Variants in PPP5C observed in about 807,000 individuals in gnomAD.
PPP5C encodes serine/threonine-protein phosphatase 5.
A neutral mutation model predicts 66.7 loss-of-function variants in PPP5C; 21 were observed. The ratio of observed to expected loss-of-function variants is 0.31; its 90% CI spans 0.22 to 0.45. The LOEUF is 0.45. Ranked by LOEUF, PPP5C falls within the 20% of genes least tolerant of loss-of-function variation. The pLI, the probability that PPP5C is intolerant of heterozygous loss-of-function variation, is 1.00. For missense variants in PPP5C, 464 were observed against 675.9 expected (o/e 0.69, Z 3.48); for synonymous variants, 246 against 257.4 (o/e 0.96, Z 0.43).
rs186675485 is a variant in PPP5C, at chr19:46,383,058, T to C, written c.634-353T>C. On this transcript the variant is annotated intron_variant, in intron 4 of 12. Transcript: ENST00000012443. This position sits in a 1 kb window ranked among gnomAD's most constrained non-coding sequence, Gnocchi z 5.0. ...GTCTCACTTCTTTTTTGGGAGACTC[T>C]TTTATGACAGTGACATTGCGCTGTG... The C allele has an allele frequency of 7.4e-5, 82 of 1,112,782 alleles. No homozygotes were observed. In the East Asian group the frequency reaches 3.5e-3, roughly 47 times the overall value. The allele number at this position is 1,112,782 out of a possible 1,614,324, so 68.9% of individuals were successfully genotyped here.
intron 2 of PPP5C, among the ~76,000 whole-genome samples, chr19:46,357,244 C>T (rs2147366474): frequency 6.6e-6 from 1 of 152,246 alleles, no homozygotes; most frequent in South Asian, 2.1e-4. Flanking sequence ...GATGGGGTTT[C>T]ACCATGTTGC....
At chr19:46,351,000 G>A (rs929851654) in intron 1 of PPP5C, among the ~76,000 whole-genome samples, 3 of 152,116 alleles carry the variant, frequency 2.0e-5, no homozygotes, top group Admixed American at 6.5e-5. Flanking sequence ...CTCGTCCCCC[G>A]TCTCATGTCT....
intron 2 of PPP5C, among the ~76,000 whole-genome samples, chr19:46,371,821 AGGCACGGCTCCCTTCTGGGCT>A (rs1972598183): frequency 6.6e-6 from 1 of 152,210 alleles, no homozygotes; most frequent in Non-Finnish European, 1.5e-5. Flanking sequence ...TGCCTCAGGC[AGGCACGGCTCCCTTCTGGGCT>A]GCTGCTCATT....
chr19:46,382,412 G>A (rs527466876), intron 4 of PPP5C: 1 of 152,248 alleles, frequency 6.6e-6, no homozygotes, highest in East Asian at 1.9e-4. Context: ...CATCTTTAGG[G>A]CGAGACAGTC....
intron 4 of PPP5C, among the ~76,000 whole-genome samples, chr19:46,377,983 A>G (rs1327495950): frequency 2.0e-5 from 3 of 152,332 alleles, no homozygotes; most frequent in Admixed American, 6.5e-5. Context: ...TTCATTGTTC[A>G]TGTTGAATTT....
chr19:46,389,921 T>C, intron 11 of PPP5C, 130 bp from the exon 12 acceptor site: 1 of 778,230 alleles, frequency 1.3e-6, no homozygotes, highest in East Asian at 2.5e-5. Context: ...TGTCTCTCTG[T>C]CCATCTGTGT....
chr19:46,388,225 G>A lies in PPP5C; in HGVS notation c.1136-183G>A, dbSNP rs1322119584. 3.2e-6 allele frequency: 2 copies of A among 623,666 alleles called. No homozygotes were observed. The highest frequency in any genetic ancestry group is 5.5e-6 in the Non-Finnish European group (2 of 364,450). 38.6% of individuals were successfully genotyped at this position (623,666 alleles called of 1,614,324 possible). On this transcript the variant is annotated intron_variant, in intron 9 of 12. Coordinates refer to ENST00000012443, the MANE Select transcript of PPP5C (RefSeq NM_006247.4). The surrounding 1 kb of genome is among the most constrained non-coding windows in gnomAD (Gnocchi z 4.9). ...TGGAGGGCAGATCAGCAGAGAGGGTGGGGGTGGCTCAGAATCACAGTCACC... is the reference window on the plus strand; with the variant it reads ...TGGAGGGCAGATCAGCAGAGAGGGTAGGGGTGGCTCAGAATCACAGTCACC...
At chr19:46,375,980 G>T (rs538685906) in intron 3 of PPP5C, among the ~76,000 whole-genome samples, 1 of 152,116 alleles carries the variant, frequency 6.6e-6, no homozygotes, top group African/African-American at 2.4e-5. Flanking sequence ...GCCATTTCAC[G>T]GGCCCTTCCT....
chr19:46,358,467 C>G (rs1275308738), intron 2 of PPP5C, among the ~76,000 whole-genome samples: 1 of 152,172 alleles, frequency 6.6e-6, no homozygotes, highest in African/African-American at 2.4e-5. Flanking sequence ...TTCTGAGCCT[C>G]TTTCAAAGTG....
Position 46,390,537 on chromosome 19 carries a change from G to A in PPP5C, c.*191G>A, listed in dbSNP as rs1973000932. 2 of 1,437,588 alleles carry A rather than the reference G, an allele frequency of 1.4e-6. No individual in the cohort carries two copies. The highest frequency in any genetic ancestry group is 2.5e-5 in the Admixed American group (1 of 40,274). 89.1% of individuals were successfully genotyped at this position (1,437,588 alleles called of 1,614,324 possible). On this transcript the variant is annotated 3_prime_UTR_variant, in exon 13 of 13. Coordinates refer to ENST00000012443, the MANE Select transcript of PPP5C (RefSeq NM_006247.4). The stretch of plus-strand genomic sequence containing the variant: ...GAGTCAGGGGCTGGCCAGAGGGTCT[G>A]CTCCCTGGACAGAGAGGAAGGAGGT...
rs1055918368 is a variant in PPP5C, at chr19:46,389,599, CCT to C, written c.1356-451_1356-450del. 7.2e-5 allele frequency among the ~76,000 whole-genome samples: 11 copies of C among 152,146 alleles called. No individual in the cohort carries two copies. In the South Asian group the frequency reaches 1.7e-3, roughly 23 times the overall value. ...TTTCAGTCTCTTTGCCTGTGAGTTC[CCT>C]GTCTCTCCCCACCCGCATCATTTAT... On this transcript the variant is annotated intron_variant, in intron 11 of 12. Transcript: ENST00000012443.
intron 1 of PPP5C, among the ~76,000 whole-genome samples, chr19:46,348,306 A>AG (rs1972121254): frequency 1.7e-5 from 2 of 121,196 alleles, no homozygotes; most frequent in Non-Finnish European, 1.7e-5. Context: ...ACCAGTTTGG[A>AG]ATTTTTTTTT....
chr19:46,387,858 G>A (rs989345562), intron 9 of PPP5C: 21 of 717,450 alleles, frequency 2.9e-5, no homozygotes, highest in African/African-American at 2.2e-4. Context: ...CTGGTGCTGG[G>A]TGCTCAGGAA....
chr19:46,390,003 C>A, intron 11 of PPP5C, 48 bp from the exon 12 acceptor site: 1 of 1,572,296 alleles, frequency 6.4e-7, no homozygotes, highest in Non-Finnish European at 8.8e-7. Context: ...AACCCACCAG[C>A]CCCACCCAGC....
chr19:46,371,144 C>T (rs992945635), intron 2 of PPP5C, among the ~76,000 whole-genome samples: 1 of 152,162 alleles, frequency 6.6e-6, no homozygotes, highest in Non-Finnish European at 1.5e-5. Context: ...CACCTATGTT[C>T]TTTCCTGTCT....
chr19:46,366,791 G>C (rs373062512), intron 2 of PPP5C, among the ~76,000 whole-genome samples: 18 of 152,218 alleles, frequency 1.2e-4, no homozygotes, highest in African/African-American at 4.3e-4. Context: ...TCTGTGGTTG[G>C]TGGCAGTCTA....
intron 2 of PPP5C, among the ~76,000 whole-genome samples, chr19:46,367,398 GC>G (rs1345232684): frequency 1.3e-5 from 2 of 152,214 alleles, no homozygotes; most frequent in Non-Finnish European, 2.9e-5. Context: ...ATGTAATGTT[GC>G]TGCTTGGGGA....
chr19:46,381,606 A>C (rs969940994), intron 4 of PPP5C: 1 of 152,156 alleles, frequency 6.6e-6, no homozygotes, highest in African/African-American at 2.4e-5. Context: ...AAAATTAGCC[A>C]GGCATGGTGG....
chr19:46,372,234 C>T (rs1972606216), intron 2 of PPP5C, among the ~76,000 whole-genome samples: 2 of 151,964 alleles, frequency 1.3e-5, no homozygotes, highest in Non-Finnish European at 2.9e-5. Flanking sequence ...GACAGAATCT[C>T]ACTGTGTTAC....
Sources: allele counts gnomAD v4.1 joint callset (sites outside exome capture counted in the v4.1 genomes callset), GRCh38; gene constraint gnomAD v4.1.1; non-coding constraint Gnocchi (gnomAD v3.1); transcripts MANE v1.5; gene names NCBI Gene and HGNC (gene_info 2026-07-23, HGNC 2026-07-21).